The following ITPK1 variants were observed in gnomAD, a reference collection of about 807,000 sequenced individuals.
ITPK1 encodes inositol 1,3,4-trisphosphate 5/6-kinase.
Under a neutral mutation model 45.3 loss-of-function variants are expected in ITPK1, and 21 were observed. That is an observed-to-expected ratio of 0.46 (90% CI 0.33 to 0.67). ITPK1 has a LOEUF of 0.67. Ranked by LOEUF, ITPK1 falls within the 30% of genes least tolerant of loss-of-function variation. The pLI, the probability that ITPK1 is intolerant of heterozygous loss-of-function variation, is 0.02. For synonymous variants in ITPK1, 258 were observed against 253.6 expected, an observed-to-expected ratio of 1.02 and a Z score of -0.16; for missense variants, 474 against 573.5, an observed-to-expected ratio of 0.83 and a Z score of 1.77.
At chr14:92,948,155 C>T (rs1035620803) in intron 9 of ITPK1, among the ~76,000 whole-genome samples, 1 of 152,016 alleles carries the variant, frequency 6.6e-6, no homozygotes, top group East Asian at 1.9e-4. Flanking sequence ...GCCACAGAGA[C>T]AGCAACGAGC....
intron 2 of ITPK1, among the ~76,000 whole-genome samples, chr14:93,084,166 G>A (rs974940786): frequency 6.6e-6 from 1 of 152,220 alleles, no homozygotes; most frequent in African/African-American, 2.4e-5. Flanking sequence ...CCACCCACCA[G>A]CAGAGCCAGC....
intron 3 of ITPK1, among the ~76,000 whole-genome samples, chr14:93,033,323 C>T (rs1889155915): frequency 6.6e-6 from 1 of 152,200 alleles, no homozygotes; most frequent in African/African-American, 2.4e-5. Flanking sequence ...GCCATGTGAC[C>T]TGTGAGCCTT....
At chr14:93,022,059 C>T (rs969606226) in intron 3 of ITPK1, among the ~76,000 whole-genome samples, 2 of 152,170 alleles carry the variant, frequency 1.3e-5, no homozygotes, top group Non-Finnish European at 2.9e-5. Context: ...TGGGAATTTA[C>T]GAGCTGACAT....
rs751179172 is a variant in ITPK1, at chr14:93,104,668, C to G, written c.95+10401G>C. On this transcript the variant is annotated intron_variant, in intron 2 of 10. Coordinates refer to ENST00000267615, the MANE Select transcript of ITPK1 (RefSeq NM_014216.6). The stretch of plus-strand genomic sequence containing the variant: ...GGCCCTCATCTAGCAAATGGAGACC[C>G]CTCAGCCATCCTGGAGGGTAGTTAT... Among the ~76,000 whole-genome samples, 6 of 152,140 alleles carry G rather than the reference C, an allele frequency of 3.9e-5. No individual in the cohort carries two copies. In the East Asian group the frequency reaches 7.7e-4, roughly 20 times the overall value.
intron 2 of ITPK1, among the ~76,000 whole-genome samples, chr14:93,111,659 C>T (rs1248048035): frequency 1.4e-5 from 2 of 146,794 alleles, no homozygotes; most frequent in Non-Finnish European, 3.0e-5. Context: ...TGCAGTGAGC[C>T]GAGATTGCGC....
At chr14:92,968,945 G>T (rs1252858946) in intron 5 of ITPK1, among the ~76,000 whole-genome samples, 1 of 152,152 alleles carries the variant, frequency 6.6e-6, no homozygotes, top group Non-Finnish European at 1.5e-5. Flanking sequence ...GCACATGCTG[G>T]GAAGGACCCC....
intron 2 of ITPK1, among the ~76,000 whole-genome samples, chr14:93,112,612 G>C (rs1180420191): frequency 6.6e-6 from 1 of 151,880 alleles, no homozygotes; most frequent in African/African-American, 2.4e-5. Flanking sequence ...GCTAATTTTT[G>C]TATTTTTAGT....
Position 93,014,784 on chromosome 14 carries a change from G to A in ITPK1, c.246+1892C>T, listed in dbSNP as rs1157927908. On this transcript the variant is annotated intron_variant, in intron 4 of 10. Coordinates refer to ENST00000267615, the MANE Select transcript of ITPK1 (RefSeq NM_014216.6). This position sits in a 1 kb window ranked among gnomAD's most constrained non-coding sequence, Gnocchi z 4.4. ...AGGACGGGAATCATTGAACCTTACA[G>A]CTCATGGGAGCAAGTGGGTCAACCG... is the stretch of plus-strand genomic sequence containing the variant. 6.6e-6 allele frequency among the ~76,000 whole-genome samples: 1 copy of A among 152,238 alleles called. No homozygotes were observed. Among genetic ancestry groups the A allele is most frequent in the Non-Finnish European group, 1.5e-5 (1 of 68,054 alleles).
chr14:93,106,243 CG>C (rs1457221772), intron 2 of ITPK1, among the ~76,000 whole-genome samples: 2 of 146,012 alleles, frequency 1.4e-5, no homozygotes, highest in East Asian at 3.9e-4. Flanking sequence ...ACCAGACCCA[CG>C]GGGAGCATTT....
Position 92,941,647 on chromosome 14 carries a change from GGT to G in ITPK1, c.1157_1158del (p.His386ProfsTer58). On this transcript the variant is annotated frameshift_variant, in exon 11 of 11. Transcript: ENST00000267615. LOFTEE classifies it high-confidence loss of function. Reference protein sequence around the residue: ...ADAGGTAKLPHQRLGCNAGVS... With the variant: ...ADAGGTAKLPXQRLGCNAGVS... ...ACGCCGGCGTTGCAGCCGAGTCTCT[GGT>G]GCGGCAGCTTGGCGGTGCCGCCCGC... The G allele has an allele frequency of 6.5e-7, 1 of 1,540,534 alleles. No individual in the cohort carries two copies.
At chr14:93,006,597 G>C (rs1016253485) in intron 4 of ITPK1, among the ~76,000 whole-genome samples, 3 of 152,168 alleles carry the variant, frequency 2.0e-5, no homozygotes, top group Non-Finnish European at 4.4e-5. Flanking sequence ...TCCTCCCATG[G>C]GGGCTACTGA....
Position 93,095,567 on chromosome 14 carries a change from G to A in ITPK1, c.96-18948C>T, listed in dbSNP as rs534672806. 3.7e-5 allele frequency among the ~76,000 whole-genome samples: 5 copies of A among 134,084 alleles called. No homozygotes were observed. In the East Asian group the frequency reaches 6.0e-4, roughly 16 times the overall value. The allele number at this position is 134,084 out of a possible 152,430, so 88.0% of individuals were successfully genotyped here. A position where few individuals can be genotyped will look rare whatever the true frequency, so the allele number is the denominator to read the frequency against. Reference sequence around the variant, plus strand: ...TTTTAAAAGGGTCACCTAGAGTCACGGACTAGGTTTTTTTTTTTTTTTTTT... The same window carrying A: ...TTTTAAAAGGGTCACCTAGAGTCACAGACTAGGTTTTTTTTTTTTTTTTTT... On this transcript the variant is annotated intron_variant, in intron 2 of 10. Coordinates refer to ENST00000267615, the MANE Select transcript of ITPK1 (RefSeq NM_014216.6).
intron 3 of ITPK1, among the ~76,000 whole-genome samples, chr14:93,057,003 C>T (rs1225634504): frequency 1.3e-5 from 2 of 152,216 alleles, no homozygotes; most frequent in African/African-American, 2.4e-5. Context: ...GAGCACATCA[C>T]ATAACTGCTC....
intron 10 of ITPK1, among the ~76,000 whole-genome samples, chr14:92,944,616 C>T (rs963362517): frequency 6.6e-5 from 10 of 152,220 alleles, no homozygotes; most frequent in African/African-American, 2.2e-4. Flanking sequence ...ACAGGCCTCC[C>T]TGTGCCCCCC....
intron 2 of ITPK1, among the ~76,000 whole-genome samples, chr14:93,094,169 G>A (rs1248246225): frequency 2.0e-5 from 3 of 152,224 alleles, no homozygotes; most frequent in Non-Finnish European, 4.4e-5. Flanking sequence ...GAGGATATGC[G>A]GGGCCTCCTC....
chr14:93,085,308 A>G (rs922113347), intron 2 of ITPK1, among the ~76,000 whole-genome samples: 3 of 152,196 alleles, frequency 2.0e-5, no homozygotes, highest in African/African-American at 7.2e-5. Flanking sequence ...GAGTGGGGGC[A>G]TCTTTCCTTT....
chr14:92,972,902 G>T (rs1349125237), intron 5 of ITPK1, among the ~76,000 whole-genome samples: 1 of 152,148 alleles, frequency 6.6e-6, no homozygotes, highest in Non-Finnish European at 1.5e-5. Flanking sequence ...TTCTCTGACC[G>T]CACAACCCAA....
intron 9 of ITPK1, among the ~76,000 whole-genome samples, chr14:92,949,219 G>A (rs1351809649): frequency 1.3e-5 from 2 of 151,920 alleles, no homozygotes; most frequent in Non-Finnish European, 2.9e-5. Flanking sequence ...TCAGCCTCCT[G>A]AGTAGCCGCA....
At chr14:92,993,180 C>T (rs1268464473) in intron 5 of ITPK1, among the ~76,000 whole-genome samples, 1 of 152,246 alleles carries the variant, frequency 6.6e-6, no homozygotes, top group African/African-American at 2.4e-5. Flanking sequence ...CCGGAGGGCC[C>T]AGGCCAAGCA....
Sources: allele counts gnomAD v4.1 joint callset (sites outside exome capture counted in the v4.1 genomes callset), GRCh38; gene constraint gnomAD v4.1.1; non-coding constraint Gnocchi (gnomAD v3.1); transcripts MANE v1.5; gene names NCBI Gene and HGNC (gene_info 2026-07-23, HGNC 2026-07-21).